The following KAT6B variants were observed in gnomAD, a reference collection of about 807,000 sequenced individuals.
KAT6B encodes the protein histone acetyltransferase KAT6B.
In KAT6B, 10 loss-of-function variants were observed where a neutral mutation model predicts 187.5. The ratio of observed to expected loss-of-function variants is 0.05; its 90% CI spans 0.03 to 0.09. The LOEUF is 0.09. KAT6B is among the 10% of genes least tolerant of loss of function. The pLI is 1.00. For missense variants in KAT6B, 1,952 were observed against 2,558.9 expected, an observed-to-expected ratio of 0.76 and a Z score of 5.12; for synonymous variants, 861 against 926.8, an observed-to-expected ratio of 0.93 and a Z score of 1.29.
intron 3 of KAT6B, among the ~76,000 whole-genome samples, chr10:74,916,873 G>A (rs1003126111): frequency 2.6e-5 from 4 of 152,148 alleles, no homozygotes; most frequent in Admixed American, 6.6e-5. Flanking sequence ...AGGCCCAGGC[G>A]GGTGGATGTC....
At chr10:74,989,923 G>C (rs948291039) in intron 13 of KAT6B, among the ~76,000 whole-genome samples, 1 of 152,042 alleles carries the variant, frequency 6.6e-6, no homozygotes, top group Non-Finnish European at 1.5e-5. Flanking sequence ...CTGGCCGGGC[G>C]TGGTGGCTTA....
intron 4 of KAT6B, among the ~76,000 whole-genome samples, chr10:74,962,484 A>G (rs985573482): frequency 2.0e-5 from 3 of 152,206 alleles, no homozygotes; most frequent in African/African-American, 7.2e-5. Flanking sequence ...CTCTCAGAAG[A>G]GTCTATTGGT....
rs541662234 is a variant in KAT6B at position 74,860,168 on chromosome 10, T to C, written c.621+16690T>C. 7.2e-5 allele frequency among the ~76,000 whole-genome samples: 11 copies of C among 152,286 alleles called. 1 individual carries two copies. The South Asian group carries it at 2.3e-3, about 32-fold the overall frequency. On this transcript the variant is annotated intron_variant, in intron 3 of 17. Transcript: ENST00000287239. ...TTGTAGGTTGTTTTTTATTTTGACA[T>C]GTATCTTGTGGAAAGTGCCTTCTCT...
At chr10:74,942,422 A>C (rs1464846399) in intron 3 of KAT6B, among the ~76,000 whole-genome samples, 2 of 152,188 alleles carry the variant, frequency 1.3e-5, no homozygotes, top group African/African-American at 4.8e-5. Flanking sequence ...AACTCTTAGC[A>C]AACTAGGAAT....
intron 13 of KAT6B, among the ~76,000 whole-genome samples, chr10:75,009,129 A>G (rs180971424): frequency 2.0e-5 from 3 of 152,330 alleles, no homozygotes; most frequent in African/African-American, 7.2e-5. Flanking sequence ...TGATTTGTAA[A>G]TGATGATTGC....
chr10:74,825,199 C>T (rs759848459), upstream of KAT6B, among the ~76,000 whole-genome samples: 38 of 152,342 alleles, frequency 2.5e-4, no homozygotes, highest in Non-Finnish European at 4.9e-4. The surrounding 1 kb of genome is among the most constrained non-coding windows in gnomAD (Gnocchi z 5.0). Context: ...GGGCCCACAG[C>T]GACGGGAGTG....
intron 3 of KAT6B, 94 bp downstream of exon 3, chr10:74,843,572 A>G: frequency 6.8e-7 from 1 of 1,472,616 alleles, no homozygotes; most frequent in Non-Finnish European, 9.4e-7. Flanking sequence ...GTTCTGAATA[A>G]AGTTTGATAA....
At chr10:74,871,884 A>C (rs751360882) in intron 3 of KAT6B, among the ~76,000 whole-genome samples, 6 of 152,076 alleles carry the variant, frequency 3.9e-5, no homozygotes, top group Non-Finnish European at 8.8e-5. Context: ...TGGTGTCCTA[A>C]CTCTCTCTAG....
chr10:74,836,072 G>A (rs1310309589), intron 1 of KAT6B, among the ~76,000 whole-genome samples: 1 of 152,204 alleles, frequency 6.6e-6, no homozygotes, highest in African/African-American at 2.4e-5. Flanking sequence ...TATATGATGT[G>A]TGGCCTTTTG....
chr10:74,874,028 GAAAA>G (rs950377378), intron 3 of KAT6B, among the ~76,000 whole-genome samples: 2 of 145,790 alleles, frequency 1.4e-5, no homozygotes, highest in Non-Finnish European at 3.0e-5. Context: ...CAGCATTAAA[GAAAA>G]AAAAAAGAGA....
intron 3 of KAT6B, among the ~76,000 whole-genome samples, chr10:74,899,477 G>A (rs1402304315): frequency 6.6e-6 from 1 of 151,994 alleles, no homozygotes; most frequent in Admixed American, 6.6e-5. Context: ...GTTTCACCAC[G>A]TTGGCCAGGC....
At chr10:74,860,188 T>A (rs1287982389) in intron 3 of KAT6B, among the ~76,000 whole-genome samples, 1 of 152,160 alleles carries the variant, frequency 6.6e-6, no homozygotes, top group African/African-American at 2.4e-5. Flanking sequence ...GGAAAGTGCC[T>A]TCTCTCTCCT....
chr10:74,894,304 A>C (rs925868470), intron 3 of KAT6B, among the ~76,000 whole-genome samples: 1 of 151,852 alleles, frequency 6.6e-6, no homozygotes, highest in Admixed American at 6.6e-5. Flanking sequence ...CTGGTCTCGA[A>C]CTCCTGACCT....
intron 3 of KAT6B, among the ~76,000 whole-genome samples, chr10:74,920,386 A>T (rs1466022773): frequency 6.6e-6 from 1 of 152,180 alleles, no homozygotes; most frequent in Non-Finnish European, 1.5e-5. Context: ...ATTGGTAAAT[A>T]TAACCCCATG....
intron 13 of KAT6B, among the ~76,000 whole-genome samples, chr10:75,001,606 T>A (rs755220313): frequency 6.6e-6 from 1 of 152,222 alleles, no homozygotes; most frequent in Non-Finnish European, 1.5e-5. Context: ...CAGCTACTAC[T>A]AGTTTTCACA....
At chr10:75,011,171 A>G (rs1286353148) in intron 13 of KAT6B, among the ~76,000 whole-genome samples, 1 of 151,954 alleles carries the variant, frequency 6.6e-6, no homozygotes, top group Non-Finnish European at 1.5e-5. Context: ...GTTATTTTCT[A>G]TTTCAAAAAC....
chr10:74,910,442 A>G (rs1847121101), intron 3 of KAT6B, among the ~76,000 whole-genome samples: 1 of 152,136 alleles, frequency 6.6e-6, no homozygotes, highest in Non-Finnish European at 1.5e-5. Flanking sequence ...AGGAGAAATG[A>G]GCTTAATTTT....
chr10:74,983,865 T>G (rs1039374875), intron 11 of KAT6B: 1 of 152,228 alleles, frequency 6.6e-6, no homozygotes, highest in Non-Finnish European at 1.5e-5. Context: ...TGGGCAACTT[T>G]TCTCCTAGCA....
At chr10:74,828,936 A>G (rs560786892) in intron 1 of KAT6B, among the ~76,000 whole-genome samples, 1 of 152,080 alleles carries the variant, frequency 6.6e-6, no homozygotes, top group Non-Finnish European at 1.5e-5. Flanking sequence ...GAAGGAAAGG[A>G]TAATGCACAT....
Sources: gnomAD v4.1 joint callset for allele counts (sites outside exome capture counted in the v4.1 genomes callset) on GRCh38, gnomAD v4.1.1 for gene constraint, Gnocchi (gnomAD v3.1) non-coding constraint, MANE v1.5 for transcripts, NCBI Gene and HGNC (gene_info 2026-07-23, HGNC 2026-07-21) for gene names.